The following TAOK3 variants were observed in gnomAD, a reference collection of about 807,000 sequenced individuals.
TAOK3 encodes serine/threonine-protein kinase TAO3.
TAOK3 carries 40 observed loss-of-function variants against 120.4 expected under a neutral mutation model. The observed-to-expected ratio is 0.33, with a 90% CI of 0.26 to 0.43. The LOEUF (loss-of-function observed/expected upper bound fraction) is 0.43. Among genes scored for constraint, TAOK3 ranks in the 20% least tolerant of loss-of-function variants. The pLI is 1.00. For missense variants in TAOK3, 821 were observed against 1,112.1 expected, an observed-to-expected ratio of 0.74 and a Z score of 3.72; for synonymous variants, 355 against 387.5, an observed-to-expected ratio of 0.92 and a Z score of 0.99.
chr12:118,206,745 C>T (rs552376476), intron 11 of TAOK3, among the ~76,000 whole-genome samples: 3 of 152,054 alleles, frequency 2.0e-5, no homozygotes, highest in African/African-American at 7.2e-5. Flanking sequence ...TACAGGCATG[C>T]ACCACCATTT....
intron 11 of TAOK3, among the ~76,000 whole-genome samples, chr12:118,207,799 G>A (rs1420910013): frequency 1.3e-5 from 2 of 151,492 alleles, no homozygotes; most frequent in Non-Finnish European, 2.9e-5. Flanking sequence ...GGCGAAGGTT[G>A]CAGTGAGACG....
chr12:118,226,230 G>A (rs999205766), intron 9 of TAOK3, among the ~76,000 whole-genome samples: 1 of 152,236 alleles, frequency 6.6e-6, no homozygotes, highest in African/African-American at 2.4e-5. Context: ...AAAAAAATTA[G>A]CCAGGCGTGG....
At chr12:118,351,754 C>T (rs2045166227) in intron 1 of TAOK3, among the ~76,000 whole-genome samples, 1 of 151,776 alleles carries the variant, frequency 6.6e-6, no homozygotes, top group South Asian at 2.1e-4. Flanking sequence ...CTTCACAGAG[C>T]CTAACCTTGT....
chr12:118,152,353 C>T lies in TAOK3; in HGVS notation c.2409G>A (p.Gln803=). 1.2e-6 allele frequency: 2 copies of T among 1,614,050 alleles called. No individual in the cohort carries two copies. Among genetic ancestry groups the T allele is most frequent in the Non-Finnish European group, 1.7e-6 (2 of 1,180,026 alleles). The change falls in exon 20 of 21, where the codon CAG becomes CAA. Residue 803 remains glutamine (Q), a synonymous_variant. Transcript: ENST00000392533. ...AGGCGTTGAGCAGCTCCATTTCCTG[C>T]TGGAGCTGTAGCCTCAAGGCCTGGC... ...AECQALRLQL[Q]QEMELLNAYQ...
intron 1 of TAOK3, among the ~76,000 whole-genome samples, chr12:118,344,856 G>A (rs2044787353): frequency 6.6e-6 from 1 of 151,940 alleles, no homozygotes; most frequent in South Asian, 2.1e-4. Flanking sequence ...GGTGCCCCCT[G>A]TTATATTTAC....
intron 1 of TAOK3, among the ~76,000 whole-genome samples, chr12:118,349,067 T>C (rs1042077993): frequency 5.3e-5 from 8 of 151,880 alleles, no homozygotes; most frequent in Non-Finnish European, 8.8e-5. Flanking sequence ...AATTTTTGTA[T>C]TTTTAGTAGA....
chr12:118,202,514 C>T (rs531017492), intron 11 of TAOK3, among the ~76,000 whole-genome samples: 1 of 152,086 alleles, frequency 6.6e-6, no homozygotes, highest in South Asian at 2.1e-4. Flanking sequence ...TTTCTCTATA[C>T]CCTTGCCACT....
intron 1 of TAOK3, among the ~76,000 whole-genome samples, chr12:118,278,970 C>G (rs1258502434): frequency 6.6e-6 from 1 of 152,016 alleles, no homozygotes; most frequent in Non-Finnish European, 1.5e-5. Context: ...CCACACTCAG[C>G]TATTTTTTAT....
chr12:118,370,330 G>A (rs2045862145), intron 1 of TAOK3, among the ~76,000 whole-genome samples: 2 of 152,016 alleles, frequency 1.3e-5, no homozygotes, highest in African/African-American at 2.4e-5. Context: ...TTTTTGTCTT[G>A]GATTTACATA....
At chr12:118,202,205 T>C (rs1050190404) in intron 11 of TAOK3, among the ~76,000 whole-genome samples, 3 of 150,116 alleles carry the variant, frequency 2.0e-5, no homozygotes, top group African/African-American at 4.9e-5. Context: ...CAGTCATATA[T>C]ATTATTGAGT....
In TAOK3 at chr12:118,150,610, GCTTTA is replaced by G. The variant is rs1201121574; in HGVS notation, c.*382_*386del. 1 of 157,026 alleles carries G rather than the reference GCTTTA, an allele frequency of 6.4e-6. No individual in the cohort carries two copies. The highest frequency in any genetic ancestry group is 2.4e-5 in the African/African-American group (1 of 41,548). 9.7% of individuals were successfully genotyped at this position (157,026 alleles called of 1,614,324 possible). The stretch of plus-strand genomic sequence containing the variant: ...TTGGCATTTATTATTATTATTTTTT[GCTTTA>G]CTTTCACAGATTGGTGGTAATGAGT... On this transcript the variant is annotated 3_prime_UTR_variant, in exon 21 of 21. Coordinates refer to ENST00000392533, the MANE Select transcript of TAOK3 (RefSeq NM_016281.4).
chr12:118,199,904 T>C (rs1422401284), intron 12 of TAOK3: 1 of 152,406 alleles, frequency 6.6e-6, no homozygotes, highest in Non-Finnish European at 1.5e-5. Flanking sequence ...AAGACTACTA[T>C]TTGAAAAGTG....
chr12:118,238,641 T>G (rs1565995472), intron 6 of TAOK3, among the ~76,000 whole-genome samples: 1 of 151,994 alleles, frequency 6.6e-6, no homozygotes, highest in Non-Finnish European at 1.5e-5. Context: ...TTTAATTTTT[T>G]TTTTTTTTTT....
intron 1 of TAOK3, among the ~76,000 whole-genome samples, chr12:118,351,508 A>G (rs924198705): frequency 6.6e-6 from 1 of 152,212 alleles, no homozygotes; most frequent in Non-Finnish European, 1.5e-5. Context: ...CATTAACTAG[A>G]CATTTTCAAA....
chr12:118,287,842 T>G (rs7962185), intron 1 of TAOK3, among the ~76,000 whole-genome samples: 18,521 of 152,036 alleles, frequency 0.12, 1,216 homozygotes, highest in Middle Eastern at 0.15. Flanking sequence ...AAATCCAAGA[T>G]GTAAACACCT....
chr12:118,359,772 T>C (rs1166604775), intron 1 of TAOK3: 1 of 152,274 alleles, frequency 6.6e-6, no homozygotes, highest in East Asian at 1.9e-4. Context: ...CAATTCACCC[T>C]TCCTTTTGTA....
At chr12:118,268,390 G>GA (rs2041551246) in intron 1 of TAOK3, among the ~76,000 whole-genome samples, 1 of 152,094 alleles carries the variant, frequency 6.6e-6, no homozygotes, top group Non-Finnish European at 1.5e-5. Flanking sequence ...GGCCTTACAG[G>GA]AAAAAACTAG....
At chr12:118,342,850 C>G (rs1198712026) in intron 1 of TAOK3, among the ~76,000 whole-genome samples, 2 of 149,174 alleles carry the variant, frequency 1.3e-5, no homozygotes, top group African/African-American at 5.0e-5. Context: ...AGGAGGATCA[C>G]TTGCATCTGG....
intron 12 of TAOK3, 160 bp from the exon 13 acceptor site, chr12:118,199,417 C>A (rs777245599): frequency 6.4e-6 from 4 of 628,884 alleles, no homozygotes; most frequent in Non-Finnish European, 1.1e-5. Flanking sequence ...ACTCCTCCAC[C>A]ATTTTCATAC....
Sources: gnomAD v4.1 joint callset for allele counts (sites outside exome capture counted in the v4.1 genomes callset) on GRCh38, gnomAD v4.1.1 for gene constraint, MANE v1.5 for transcripts, NCBI Gene and HGNC (gene_info 2026-07-23, HGNC 2026-07-21) for gene names.